Variants in ZNF175 observed in about 807,000 individuals in gnomAD.
The protein encoded by ZNF175 is zinc finger protein OTK18.
A neutral mutation model predicts 14.0 loss-of-function variants in ZNF175; 8 were observed. That is an observed-to-expected ratio of 0.57 (90% CI 0.34 to 1.03). The LOEUF (loss-of-function observed/expected upper bound fraction) is 1.03, where lower values mean the gene tolerates loss of function less well. ZNF175 is among the 50% of genes least tolerant of loss of function. ZNF175 has a pLI of 0.03. For missense variants in ZNF175, 764 were observed against 849.5 expected (o/e 0.90, Z 1.25); for synonymous variants, 255 against 296.8 (o/e 0.86, Z 1.45).
Position 51,587,951 on chromosome 19 carries a change from C to T in ZNF175, c.1620C>T (p.Phe540=), listed in dbSNP as rs750915238. The T allele has an allele frequency of 9.9e-6, 16 of 1,614,056 alleles. No individual in the cohort carries two copies. The highest frequency in any genetic ancestry group is 1.4e-5 in the Non-Finnish European group (16 of 1,180,032). ...TATGCAGTGAATGCGGGAAAGCCTT[C>T]AACCAGAAGTCAATACTCAGCATGC... ...HHVCSECGKA[F]NQKSILSMHQ... is the part of the protein sequence containing the mutation. The change falls in exon 5 of 5, where the codon TTC becomes TTT. Residue 540 remains phenylalanine (F), a synonymous_variant. Coordinates refer to ENST00000262259, the MANE Select transcript of ZNF175 (RefSeq NM_007147.4).
At position 51,587,787 on chromosome 19, in the gene ZNF175, T is replaced by A; in HGVS notation, c.1456T>A (p.Ser486Thr). 6.2e-7 allele frequency: 1 copy of A among 1,614,078 alleles called. No homozygotes were observed. Among genetic ancestry groups the A allele is most frequent in the Non-Finnish European group, 8.5e-7 (1 of 1,180,010 alleles). ...CCACAACTGTGGGAAATCCTTCATT[T>A]CCAAGTCACAGCTTGATATACATCA... ...QCHNCGKSFI[S>T]KSQLDIHHRI... Residue 486 changes from serine to threonine, a missense_variant, in exon 5 of 5, where the codon TCC (serine) becomes ACC (threonine). Physicochemically the swap from Ser to Thr is moderately conservative, Grantham distance 58. Transcript: ENST00000262259.
chr19:51,578,942 C>G (rs1160940072), intron 2 of ZNF175, among the ~76,000 whole-genome samples: 1 of 152,072 alleles, frequency 6.6e-6, no homozygotes, highest in Non-Finnish European at 1.5e-5. Context: ...CATGCTGAAA[C>G]CCCATCTCTA....
In ZNF175 at chr19:51,589,330, A is replaced by G. The variant is rs1284174247; in HGVS notation, c.*863A>G. The G allele has an allele frequency of 5.3e-6, 3 of 565,714 alleles. No homozygotes were observed. In the East Asian group the frequency reaches 8.7e-5, roughly 16 times the overall value. The allele number at this position is 565,714 out of a possible 1,614,324, so 35.0% of individuals were successfully genotyped here. On this transcript the variant is annotated 3_prime_UTR_variant, in exon 5 of 5. Transcript: ENST00000262259. ...GGGTTTGCTGCAGAATTCACTGCAT[A>G]GCAGGAGATGTAAGCAGATGAGTTA...
At chr19:51,581,583 C>T (rs1543922) in intron 3 of ZNF175, 66 bp downstream of exon 3, 52,001 of 1,570,738 alleles carry the variant, frequency 0.033, 4,967 homozygotes, top group African/African-American at 0.32. Context: ...CTCCTCATTG[C>T]AGAACGCAGT....
chr19:51,572,563 G>A (rs576419237), intron 1 of ZNF175, among the ~76,000 whole-genome samples: 1 of 152,278 alleles, frequency 6.6e-6, no homozygotes, highest in South Asian at 2.1e-4. Flanking sequence ...TTCTATGAAG[G>A]CAACAGAAAG....
In ZNF175 at chr19:51,571,656, A is replaced by G. The variant is rs78661599; in HGVS notation, c.-181+181A>G. Among the ~76,000 whole-genome samples, 401 of 152,254 alleles carry G rather than the reference A, an allele frequency of 2.6e-3. 16 individuals carry two copies. The East Asian group carries it at 0.046, about 17-fold the overall frequency. ...ACTTAAATTCCAAGTGTACTTTAAT[A>G]TCGGATTTTATATTGGTCCACGAAA... On this transcript the variant is annotated intron_variant, in intron 1 of 4. Coordinates refer to ENST00000262259, the MANE Select transcript of ZNF175 (RefSeq NM_007147.4).
intron 1 of ZNF175, 115 bp from the exon 2 acceptor site, chr19:51,573,035 T>G (rs1277972270): frequency 2.6e-6 from 1 of 378,526 alleles, no homozygotes; most frequent in African/African-American, 2.1e-5. Context: ...AGAGTTGGGC[T>G]TTCTGAACTT....
chr19:51,579,243 C>G (rs1179832129), intron 2 of ZNF175, among the ~76,000 whole-genome samples: 1 of 103,100 alleles, frequency 9.7e-6, no homozygotes, highest in Non-Finnish European at 1.8e-5. Flanking sequence ...ACAGAGTAGA[C>G]TCCATCTCAA....
At chr19:51,581,602 A>C in intron 3 of ZNF175, 85 bp downstream of exon 3, 1 of 1,550,534 alleles carries the variant, frequency 6.4e-7, no homozygotes. Flanking sequence ...GTGGGATATC[A>C]AAGTATGTCA....
rs1375096849 is a variant in ZNF175, at chr19:51,588,297, C to A, written c.1966C>A (p.Pro656Thr). Residue 656 changes from proline (P) to threonine (T), a missense_variant, in exon 5 of 5, where the codon CCA becomes ACA. Physicochemically the swap from Pro to Thr is conservative, Grantham distance 38. Coordinates refer to ENST00000262259, the MANE Select transcript of ZNF175 (RefSeq NM_007147.4). ...CTGTGGGAAATCGTTCAGTAAGAAA[C>A]CACAACTCAAGGTGCATCAGCGAAT... ...LDCGKSFSKK[P>T]QLKVHQRIHT... 1.9e-6 allele frequency: 3 copies of A among 1,613,600 alleles called. No individual in the cohort carries two copies. The highest frequency in any genetic ancestry group is 2.5e-6 in the Non-Finnish European group (3 of 1,179,910).
intron 2 of ZNF175, among the ~76,000 whole-genome samples, chr19:51,577,885 A>G (rs62113338): frequency 0.064 from 9,688 of 151,042 alleles, 337 homozygotes; most frequent in African/African-American, 0.078. Flanking sequence ...GGATGGTCTC[A>G]ATCTCCTGAC....
intron 2 of ZNF175, among the ~76,000 whole-genome samples, chr19:51,576,481 C>G: frequency 6.6e-6 from 1 of 152,160 alleles, no homozygotes; most frequent in African/African-American, 2.4e-5. Flanking sequence ...CATAACTTTG[C>G]GAGGTACTGC....
chr19:51,583,426 G>A (rs934055707), intron 4 of ZNF175, among the ~76,000 whole-genome samples: 2 of 152,068 alleles, frequency 1.3e-5, no homozygotes, highest in Non-Finnish European at 2.9e-5. Context: ...TCTGGGCTCA[G>A]AAACACAGTC....
Position 51,587,036 on chromosome 19 carries a change from T to C in ZNF175, c.705T>C (p.His235=), listed in dbSNP as rs143094031. 1.0e-4 allele frequency: 169 copies of C among 1,614,182 alleles called. 4 individuals are homozygous for C. In the South Asian group the frequency reaches 1.7e-3, roughly 16 times the overall value. ...DVVGSGQLFS[H]SSSDACSKNI... is the part of the protein sequence containing the mutation. ...TTGGGTCTGGTCAGCTATTCAGCCA[T>C]AGCTCTTCTGATGCCTGCAGCAAGA... The change falls in exon 5 of 5, where the codon CAT becomes CAC. Residue 235 remains histidine (H), a synonymous_variant. Transcript: ENST00000262259.
At chr19:51,577,714 A>G (rs1325780526) in intron 2 of ZNF175, among the ~76,000 whole-genome samples, 1 of 133,152 alleles carries the variant, frequency 7.5e-6, no homozygotes, top group Non-Finnish European at 1.5e-5. Context: ...CCCAGGCTGG[A>G]GTGCAGTGGC....
rs776471357 is a variant in ZNF175, at chr19:51,586,975, A to G, written c.644A>G (p.Asn215Ser). The G allele has an allele frequency of 1.2e-6, 2 of 1,614,116 alleles. No individual in the cohort carries two copies. Among genetic ancestry groups the G allele is most frequent in the East Asian group, 4.5e-5 (2 of 44,900 alleles). The change falls in exon 5 of 5, where the codon AAT becomes AGT. Residue 215 changes from asparagine (N) to serine (S), a missense_variant. Physicochemically the swap from Asn to Ser is conservative, Grantham distance 46 (BLOSUM62 1). Transcript: ENST00000262259. ...LKLNLEVNGQNESNDTEQLDD... is the reference protein window; with the variant it reads ...LKLNLEVNGQSESNDTEQLDD... ...CTGAACCTAGAAGTGAACGGTCAGA[A>G]TGAAAGCAATGACACAGAACAGCTT...
intron 2 of ZNF175, among the ~76,000 whole-genome samples, chr19:51,580,974 C>A (rs77674664): frequency 1.1e-4 from 17 of 152,244 alleles, no homozygotes; most frequent in African/African-American, 4.1e-4. Flanking sequence ...CCCTTTTTAA[C>A]CCTGTAGTTG....
intron 2 of ZNF175, 128 bp from the exon 3 acceptor site, chr19:51,581,263 G>A: frequency 3.2e-6 from 4 of 1,248,660 alleles, no homozygotes; most frequent in Non-Finnish European, 4.5e-6. Flanking sequence ...ATGTGAAATA[G>A]GTGTTTGGTG....
intron 2 of ZNF175, among the ~76,000 whole-genome samples, chr19:51,575,208 GGTT>G (rs1214586615): frequency 3.0e-5 from 3 of 99,202 alleles, no homozygotes; most frequent in Non-Finnish European, 5.8e-5. Flanking sequence ...TTTTTAGAGA[GGTT>G]TTTTTTTTTT....
Sources: gnomAD v4.1 joint callset for allele counts (sites outside exome capture counted in the v4.1 genomes callset) on GRCh38, gnomAD v4.1.1 for gene constraint, MANE v1.5 for transcripts, NCBI Gene and HGNC (gene_info 2026-07-23, HGNC 2026-07-21) for gene names.